Variants in PDE4B observed in about 807,000 individuals in gnomAD.
PDE4B encodes 3',5'-cyclic-AMP phosphodiesterase 4B.
Under a neutral mutation model 82.2 loss-of-function variants are expected in PDE4B, and 20 were observed. The ratio of observed to expected loss-of-function variants is 0.24; its 90% CI spans 0.17 to 0.35. The LOEUF (loss-of-function observed/expected upper bound fraction) is 0.35. Among genes scored for constraint, PDE4B ranks in the 10% least tolerant of loss-of-function variants. The probability of loss-of-function intolerance (pLI) is 1.00; values close to 1 mark genes in which losing one functional copy is unlikely to be tolerated. For missense variants in PDE4B, 655 were observed against 907.2 expected, an observed-to-expected ratio of 0.72 and a Z score of 3.57; for synonymous variants, 320 against 318.9, an observed-to-expected ratio of 1.00 and a Z score of -0.04.
chr1:65,846,500 G>T (rs1646269983), intron 1 of PDE4B, among the ~76,000 whole-genome samples: 1 of 152,264 alleles, frequency 6.6e-6, no homozygotes, highest in East Asian at 1.9e-4. Flanking sequence ...GTTTCAGTAA[G>T]AACAATTTCT....
intron 1 of PDE4B, among the ~76,000 whole-genome samples, chr1:65,901,988 A>G (rs1051748779): frequency 6.6e-6 from 1 of 151,880 alleles, no homozygotes; most frequent in African/African-American, 2.4e-5. Context: ...ATGTGTCTCT[A>G]TTTTCATTTA....
At chr1:66,278,740 C>G (rs1656072104) in intron 7 of PDE4B, among the ~76,000 whole-genome samples, 1 of 151,910 alleles carries the variant, frequency 6.6e-6, no homozygotes, top group Non-Finnish European at 1.5e-5. Flanking sequence ...GTAGCAGCAG[C>G]TCCTTTATTG....
intron 3 of PDE4B, among the ~76,000 whole-genome samples, chr1:66,041,188 G>C (rs995003961): frequency 1.3e-5 from 2 of 151,850 alleles, no homozygotes; most frequent in African/African-American, 4.8e-5. Context: ...AAGTATAATG[G>C]CACAAAGATA....
At chr1:65,870,980 A>C (rs964271920) in intron 1 of PDE4B, among the ~76,000 whole-genome samples, 3 of 152,222 alleles carry the variant, frequency 2.0e-5, no homozygotes, top group African/African-American at 7.2e-5. Context: ...AGAATCGGTA[A>C]GACTGAAGTC....
chr1:66,329,965 C>T (rs1239783782), intron 7 of PDE4B, among the ~76,000 whole-genome samples: 2 of 152,134 alleles, frequency 1.3e-5, no homozygotes, highest in African/African-American at 4.8e-5. Context: ...GCTAAAACTA[C>T]AAAGTTATAT....
intron 3 of PDE4B, among the ~76,000 whole-genome samples, chr1:66,067,401 T>G (rs2100915182): frequency 6.6e-6 from 1 of 152,266 alleles, no homozygotes; most frequent in East Asian, 1.9e-4. Context: ...TGAGATGGTA[T>G]CTCATTGTGG....
intron 1 of PDE4B, among the ~76,000 whole-genome samples, chr1:65,830,365 T>A (rs1646068608): frequency 1.3e-5 from 2 of 152,194 alleles, no homozygotes; most frequent in South Asian, 4.1e-4. Flanking sequence ...GTGTGGACTG[T>A]ACTTTGTGTC....
At chr1:66,250,777 G>A (rs1050733354) in intron 4 of PDE4B, among the ~76,000 whole-genome samples, 4 of 152,190 alleles carry the variant, frequency 2.6e-5, no homozygotes, top group Non-Finnish European at 5.9e-5. Context: ...GAAAACTGTG[G>A]CAGGAACCAC....
At chr1:66,083,170 A>G (rs967451782) in intron 3 of PDE4B, among the ~76,000 whole-genome samples, 4 of 152,100 alleles carry the variant, frequency 2.6e-5, no homozygotes, top group African/African-American at 9.7e-5. Context: ...GCGTGGCCAC[A>G]TTAATCTTCT....
intron 1 of PDE4B, among the ~76,000 whole-genome samples, chr1:65,864,694 G>C (rs941598825): frequency 6.6e-6 from 1 of 152,202 alleles, no homozygotes; most frequent in Non-Finnish European, 1.5e-5. Context: ...ACCAGTGGAG[G>C]CTGCAGAACA....
In PDE4B at chr1:65,945,926, C is replaced by T. The variant is rs529872682; in HGVS notation, c.281+27091C>T. On this transcript the variant is annotated intron_variant, in intron 3 of 16. Transcript: ENST00000341517. The stretch of plus-strand genomic sequence containing the variant: ...TCTTCCAATCTTGTTTATTTCAAGG[C>T]TGTAACCAGTCAGCTAGGTAAGTCA... 1.8e-3 allele frequency among the ~76,000 whole-genome samples: 269 copies of T among 152,136 alleles called. 2 individuals carry two copies. The highest frequency in any genetic ancestry group is 6.3e-3 in the African/African-American group (260 of 41,538).
intron 8 of PDE4B, chr1:66,354,533 T>C: frequency 3.5e-6 from 4 of 1,143,376 alleles, no homozygotes; most frequent in Non-Finnish European, 3.2e-6. Flanking sequence ...TATTCATAAT[T>C]CATAAGTGCT....
chr1:65,905,311 A>G (rs1239779359), intron 1 of PDE4B, among the ~76,000 whole-genome samples: 1 of 152,192 alleles, frequency 6.6e-6, no homozygotes, highest in Non-Finnish European at 1.5e-5. Context: ...TTAGCCCGGC[A>G]AAGTTGAAGA....
intron 1 of PDE4B, among the ~76,000 whole-genome samples, chr1:65,899,258 C>T (rs1646945290): frequency 6.6e-6 from 1 of 151,866 alleles, no homozygotes; most frequent in African/African-American, 2.4e-5. Context: ...AAATTAAAAC[C>T]ACAATGTGAT....
intron 1 of PDE4B, among the ~76,000 whole-genome samples, chr1:65,797,322 G>A (rs561679271): frequency 6.6e-6 from 1 of 152,050 alleles, no homozygotes; most frequent in Admixed American, 6.5e-5. Flanking sequence ...CTTAATTGTT[G>A]GTGTCACTTG....
chr1:66,336,989 AG>A (rs1411647771), intron 8 of PDE4B, among the ~76,000 whole-genome samples: 2 of 152,220 alleles, frequency 1.3e-5, no homozygotes, highest in Non-Finnish European at 2.9e-5. Flanking sequence ...TGCCCTAATG[AG>A]GGGTGAACCA....
intron 3 of PDE4B, among the ~76,000 whole-genome samples, chr1:66,238,477 T>C (rs1652637576): frequency 6.6e-6 from 1 of 152,152 alleles, no homozygotes; most frequent in Non-Finnish European, 1.5e-5. Flanking sequence ...GGAGAAGGTT[T>C]GGAGGGTGGA....
intron 1 of PDE4B, among the ~76,000 whole-genome samples, chr1:65,825,900 A>G (rs1478428689): frequency 6.6e-6 from 1 of 152,024 alleles, no homozygotes; most frequent in African/African-American, 2.4e-5. Flanking sequence ...TCCTTCTGGT[A>G]CTGGCTGTGA....
At chr1:66,148,462 A>G (rs1256487910) in intron 3 of PDE4B, among the ~76,000 whole-genome samples, 1 of 152,068 alleles carries the variant, frequency 6.6e-6, no homozygotes, top group African/African-American at 2.4e-5. Flanking sequence ...CTTACTTTCT[A>G]TAGTTTGTTG....
Sources: allele counts gnomAD v4.1 joint callset (sites outside exome capture counted in the v4.1 genomes callset), GRCh38; gene constraint gnomAD v4.1.1; transcripts MANE v1.5; gene names NCBI Gene and HGNC (gene_info 2026-07-23, HGNC 2026-07-21).